ERC2: variants seen among roughly 807,000 people sequenced by gnomAD.
ERC2 encodes ERC protein 2.
In ERC2, 42 loss-of-function variants were observed where a neutral mutation model predicts 114.8. The ratio of observed to expected loss-of-function variants is 0.37; its 90% CI spans 0.29 to 0.47. The LOEUF is 0.47. Ranked by LOEUF, ERC2 falls within the 20% of genes least tolerant of loss-of-function variation. The probability of loss-of-function intolerance (pLI) is 0.99; values close to 1 mark genes in which losing one functional copy is unlikely to be tolerated. For missense variants in ERC2, 939 were observed against 1,150.7 expected (o/e 0.82, Z 2.66); for synonymous variants, 454 against 425.5 (o/e 1.07, Z -0.82).
At chr3:56,441,936 G>C (rs1330090400) in intron 1 of ERC2, among the ~76,000 whole-genome samples, 1 of 152,214 alleles carries the variant, frequency 6.6e-6, no homozygotes, top group African/African-American at 2.4e-5. Context: ...TGCTTGCGAG[G>C]CTAAGGCAGA....
intron 3 of ERC2, among the ~76,000 whole-genome samples, chr3:56,280,816 C>T (rs183515996): frequency 5.7e-4 from 87 of 152,314 alleles, no homozygotes; most frequent in African/African-American, 2.1e-3. Context: ...AAGAACAATA[C>T]TTATATTCTA....
intron 3 of ERC2, among the ~76,000 whole-genome samples, chr3:56,230,111 C>T (rs912842603): frequency 6.6e-5 from 10 of 151,980 alleles, no homozygotes; most frequent in African/African-American, 2.2e-4. Flanking sequence ...GATAATCCGC[C>T]AGCCTCGGCC....
chr3:56,266,274 G>A (rs1008711841), intron 3 of ERC2, among the ~76,000 whole-genome samples: 2 of 150,704 alleles, frequency 1.3e-5, no homozygotes, highest in Non-Finnish European at 3.0e-5. Flanking sequence ...GGGACTACAG[G>A]CGCCCACCAC....
intron 17 of ERC2, among the ~76,000 whole-genome samples, chr3:55,609,616 A>G (rs1350715503): frequency 1.3e-5 from 2 of 152,104 alleles, no homozygotes; most frequent in Non-Finnish European, 1.5e-5. Flanking sequence ...CACTGGAGAA[A>G]GCAGGAAGAG....
intron 3 of ERC2, among the ~76,000 whole-genome samples, chr3:56,205,645 C>A (rs1247044401): frequency 6.6e-6 from 1 of 152,136 alleles, no homozygotes; most frequent in Non-Finnish European, 1.5e-5. Context: ...GCCACCGAAA[C>A]TACCACCAGG....
chr3:56,060,758 G>T (rs898734053), intron 7 of ERC2, among the ~76,000 whole-genome samples: 1 of 152,160 alleles, frequency 6.6e-6, no homozygotes, highest in Non-Finnish European at 1.5e-5. Context: ...TATTACAACA[G>T]CCAAATTGAA....
At chr3:55,565,303 T>C (rs560413384) in intron 17 of ERC2, among the ~76,000 whole-genome samples, 39 of 152,330 alleles carry the variant, frequency 2.6e-4, no homozygotes, top group Admixed American at 3.3e-4. Flanking sequence ...CAAATGGATA[T>C]TGAATAAAAT....
chr3:55,842,584 G>A (rs1371635227), intron 14 of ERC2, among the ~76,000 whole-genome samples: 1 of 151,830 alleles, frequency 6.6e-6, no homozygotes, highest in Non-Finnish European at 1.5e-5. Context: ...AAGTGCTCTG[G>A]TTAAATATAG....
At chr3:56,393,346 C>T (rs564509566) in intron 2 of ERC2, among the ~76,000 whole-genome samples, 4 of 152,216 alleles carry the variant, frequency 2.6e-5, no homozygotes, top group South Asian at 2.1e-4. Flanking sequence ...TGTAGTTAGC[C>T]GAGATCATAC....
intron 7 of ERC2, among the ~76,000 whole-genome samples, chr3:56,064,279 C>T (rs1258804876): frequency 1.3e-5 from 2 of 152,300 alleles, no homozygotes; most frequent in East Asian, 3.9e-4. Flanking sequence ...AGGACCTTTG[C>T]CTCTATTCCT....
At chr3:56,348,955 GGAAAGAAAGAAAGAAGGAAAGAAA>G (rs753704327) in intron 2 of ERC2, among the ~76,000 whole-genome samples, 149 of 116,958 alleles carry the variant, frequency 1.3e-3, no homozygotes, top group African/African-American at 3.9e-3. Context: ...AAGGAAGGAA[GGAAAGAAAGAAAGAAGGAAAGAAA>G]GAAGGAAAGA....
intron 12 of ERC2, among the ~76,000 whole-genome samples, chr3:55,980,960 G>T (rs1247822995): frequency 1.3e-5 from 2 of 152,188 alleles, no homozygotes; most frequent in Non-Finnish European, 2.9e-5. Context: ...GGTATAGAGT[G>T]CCAGAACAGC....
intron 3 of ERC2, among the ~76,000 whole-genome samples, chr3:56,270,535 A>G (rs2053590194): frequency 6.6e-6 from 1 of 152,236 alleles, no homozygotes; most frequent in South Asian, 2.1e-4. Flanking sequence ...ACTGAGATCT[A>G]TCTGGATGAA....
chr3:55,559,079 T>C (rs937411986), intron 17 of ERC2, among the ~76,000 whole-genome samples: 1 of 152,242 alleles, frequency 6.6e-6, no homozygotes, highest in African/African-American at 2.4e-5. Context: ...TGGCTCCAAC[T>C]GGGTATTGGT....
At chr3:55,644,987 C>T (rs569267767) in intron 17 of ERC2, among the ~76,000 whole-genome samples, 137 of 152,070 alleles carry the variant, frequency 9.0e-4, no homozygotes, top group African/African-American at 2.7e-3. Context: ...GGTCATCTAG[C>T]GTGAGAACTT....
intron 14 of ERC2, among the ~76,000 whole-genome samples, chr3:55,761,894 A>T (rs1305699601): frequency 6.7e-6 from 1 of 148,804 alleles, no homozygotes; most frequent in Non-Finnish European, 1.5e-5. Context: ...AAAAAAAAAA[A>T]GTATGTGGCT....
rs533686273 is a variant in ERC2 at position 56,288,421 on chromosome 3, C to T, written c.1074+7598G>A. Among the ~76,000 whole-genome samples the T allele has an allele frequency of 2.0e-5, 3 of 152,298 alleles. No homozygotes were observed. The East Asian group carries it at 5.8e-4, about 29-fold the overall frequency. ...CCTGGTGCCTCCCCACACCCCCAAC[C>T]CTGTCACTTTCTTTTCTCAGCAGGT... is the stretch of plus-strand genomic sequence containing the variant. On this transcript the variant is annotated intron_variant, in intron 3 of 17. Coordinates refer to ENST00000288221, the MANE Select transcript of ERC2 (RefSeq NM_015576.3).
chr3:56,252,544 C>T (rs1238653310), intron 3 of ERC2, among the ~76,000 whole-genome samples: 1 of 152,048 alleles, frequency 6.6e-6, no homozygotes, highest in Non-Finnish European at 1.5e-5. Flanking sequence ...TGCCTGAGGT[C>T]AGGAGTTTGA....
intron 3 of ERC2, among the ~76,000 whole-genome samples, chr3:56,232,352 T>C (rs1349783414): frequency 1.3e-5 from 2 of 152,052 alleles, no homozygotes; most frequent in African/African-American, 2.4e-5. Flanking sequence ...TATAAATAAA[T>C]AATCCTCTCT....
Sources: gnomAD v4.1 joint callset for allele counts (sites outside exome capture counted in the v4.1 genomes callset) on GRCh38, gnomAD v4.1.1 for gene constraint, MANE v1.5 for transcripts, NCBI Gene and HGNC (gene_info 2026-07-23, HGNC 2026-07-21) for gene names.